DLGAP2: variants seen among roughly 807,000 people sequenced by gnomAD.
DLGAP2 encodes the protein DLG associated protein 2.
In DLGAP2, 26 loss-of-function variants were observed where a neutral mutation model predicts 100.3. The ratio of observed to expected loss-of-function variants is 0.26; its 90% CI spans 0.19 to 0.36. The LOEUF (loss-of-function observed/expected upper bound fraction) is 0.36, where lower values mean the gene tolerates loss of function less well. Among genes scored for constraint, DLGAP2 ranks in the 10% least tolerant of loss-of-function variants. DLGAP2 has a pLI of 1.00. For missense variants in DLGAP2, 1,858 were observed against 1,453.2 expected, an observed-to-expected ratio of 1.28 and a Z score of -4.53; for synonymous variants, 886 against 630.1, an observed-to-expected ratio of 1.41 and a Z score of -6.08.
intron 1 of DLGAP2, among the ~76,000 whole-genome samples, chr8:760,227 G>T (rs527327491): frequency 2.0e-4 from 30 of 152,216 alleles, no homozygotes; most frequent in African/African-American, 6.7e-4. Flanking sequence ...AGGCTTTTCA[G>T]TGTGACGCCT....
chr8:1,448,215 T>C (rs941083195), intron 3 of DLGAP2, among the ~76,000 whole-genome samples: 1 of 152,254 alleles, frequency 6.6e-6, no homozygotes, highest in African/African-American at 2.4e-5. Flanking sequence ...CTTTCTTTTG[T>C]GGGCATTTAG....
At chr8:914,034 A>G (rs568104514) in intron 2 of DLGAP2, among the ~76,000 whole-genome samples, 2 of 152,370 alleles carry the variant, frequency 1.3e-5, no homozygotes, top group African/African-American at 4.8e-5. Context: ...TTACACATAC[A>G]AGATTAAATA....
chr8:1,514,249 T>C (rs1800280219), intron 4 of DLGAP2, among the ~76,000 whole-genome samples: 1 of 152,234 alleles, frequency 6.6e-6, no homozygotes, highest in Non-Finnish European at 1.5e-5. Flanking sequence ...CTGCCTGAAT[T>C]TAAATGCAAC....
At chr8:1,598,475 C>G (rs901323632) in intron 6 of DLGAP2, among the ~76,000 whole-genome samples, 1 of 152,172 alleles carries the variant, frequency 6.6e-6, no homozygotes, top group Non-Finnish European at 1.5e-5. Context: ...TAGAATTTGG[C>G]TGTGAATCCA....
At chr8:1,498,492 A>C (rs1344574643) in intron 3 of DLGAP2, among the ~76,000 whole-genome samples, 1 of 152,188 alleles carries the variant, frequency 6.6e-6, no homozygotes, top group Non-Finnish European at 1.5e-5. Flanking sequence ...TAGGGTAAAG[A>C]AAACCCCTCT....
At chr8:1,471,667 C>G (rs1023602136) in intron 3 of DLGAP2, among the ~76,000 whole-genome samples, 2 of 144,580 alleles carry the variant, frequency 1.4e-5, no homozygotes, top group African/African-American at 2.7e-5. Flanking sequence ...ACACACCTCC[C>G]TTTATGAGCA....
At chr8:828,525 C>G (rs974090485) in intron 1 of DLGAP2, among the ~76,000 whole-genome samples, 2 of 152,196 alleles carry the variant, frequency 1.3e-5, no homozygotes, top group African/African-American at 4.8e-5. Flanking sequence ...TCATCCTGTT[C>G]TTTTTTCAGG....
intron 3 of DLGAP2, among the ~76,000 whole-genome samples, chr8:1,321,365 A>T (rs998138022): frequency 6.8e-6 from 1 of 146,502 alleles, no homozygotes; most frequent in African/African-American, 2.6e-5. Flanking sequence ...CATCCGTACC[A>T]TGTGCGTGCA....
intron 2 of DLGAP2, among the ~76,000 whole-genome samples, chr8:1,084,898 T>TG (rs1803924541): frequency 6.6e-6 from 1 of 152,190 alleles, no homozygotes; most frequent in Admixed American, 6.5e-5. Flanking sequence ...CACCCAGAAG[T>TG]GGGACTGCTG....
At chr8:1,167,800 T>C (rs2116668613) in intron 2 of DLGAP2, among the ~76,000 whole-genome samples, 1 of 152,112 alleles carries the variant, frequency 6.6e-6, no homozygotes, top group East Asian at 1.9e-4. Flanking sequence ...CAAAGTCAAG[T>C]ATAAAGTACC....
intron 2 of DLGAP2, chr8:1,137,833 C>G (rs1420539916): frequency 2.0e-5 from 3 of 152,180 alleles, no homozygotes; most frequent in African/African-American, 7.2e-5. Context: ...AACTCTTGCC[C>G]AGGCTGGAGT....
intron 2 of DLGAP2, among the ~76,000 whole-genome samples, chr8:1,159,306 CT>C (rs879675222): frequency 2.0e-5 from 3 of 152,180 alleles, no homozygotes; most frequent in Admixed American, 6.5e-5. Flanking sequence ...TTTAAGGAAA[CT>C]TGTAATTAAA....
intron 3 of DLGAP2, among the ~76,000 whole-genome samples, chr8:1,277,447 C>G (rs1284351356): frequency 2.6e-5 from 4 of 152,070 alleles, no homozygotes; most frequent in African/African-American, 9.7e-5. Flanking sequence ...AACATCTGAC[C>G]TGTGATAGAT....
At chr8:944,967 T>G (rs993599041) in intron 2 of DLGAP2, among the ~76,000 whole-genome samples, 7 of 152,186 alleles carry the variant, frequency 4.6e-5, no homozygotes, top group Non-Finnish European at 7.3e-5. Flanking sequence ...ATTTTCCTAG[T>G]GATCTGTGGA....
chr8:1,342,414 G>A (rs1310676140), intron 3 of DLGAP2, among the ~76,000 whole-genome samples: 1 of 152,182 alleles, frequency 6.6e-6, no homozygotes, highest in African/African-American at 2.4e-5. Context: ...GTAATACATT[G>A]TAGTGTACAT....
chr8:1,702,389 A>G lies in DLGAP2; in HGVS notation c.*983A>G, dbSNP rs1370133935. 1 of 152,564 alleles carries G rather than the reference A, an allele frequency of 6.6e-6. No individual in the cohort carries two copies. Among genetic ancestry groups the G allele is most frequent in the African/African-American group, 2.4e-5 (1 of 41,432 alleles). The allele number at this position is 152,564 out of a possible 1,614,324, so 9.5% of individuals were successfully genotyped here. A position where few individuals can be genotyped will look rare whatever the true frequency, so the allele number is the denominator to read the frequency against. ...AAAAAAAACACACACGAAAAACAAA[A>G]GTTTGCTTGTTTAAAATGACAGTTG... On this transcript the variant is annotated 3_prime_UTR_variant, in exon 15 of 15. Transcript: ENST00000637795.
At chr8:1,656,763 C>T (rs1798294309) in intron 8 of DLGAP2, among the ~76,000 whole-genome samples, 1 of 152,192 alleles carries the variant, frequency 6.6e-6, no homozygotes, top group South Asian at 2.1e-4. Flanking sequence ...TCTCTCCATC[C>T]TAAGTAGTGT....
chr8:1,186,811 C>T (rs1438522388), intron 2 of DLGAP2, among the ~76,000 whole-genome samples: 1 of 152,190 alleles, frequency 6.6e-6, no homozygotes, highest in African/African-American at 2.4e-5. Flanking sequence ...GCAGGAGTGC[C>T]TGGCTTGGCT....
Position 766,433 on chromosome 8 carries a change from A to G in DLGAP2, c.18+28608A>G, listed in dbSNP as rs150615717. On this transcript the variant is annotated intron_variant, in intron 1 of 14. Coordinates refer to ENST00000637795, the MANE Select transcript of DLGAP2 (RefSeq NM_001346810.2). Reference sequence around the variant, plus strand: ...TGCAGCGTTCTTTGAAATTCGTCACATAAATCTTTCTAATGTCCTCCGGAA... The same window carrying G: ...TGCAGCGTTCTTTGAAATTCGTCACGTAAATCTTTCTAATGTCCTCCGGAA... 1.1e-4 allele frequency among the ~76,000 whole-genome samples: 17 copies of G among 152,328 alleles called. 2 individuals are homozygous for G. The East Asian group carries it at 3.3e-3, about 29-fold the overall frequency.
Sources: allele counts gnomAD v4.1 joint callset (sites outside exome capture counted in the v4.1 genomes callset), GRCh38; gene constraint gnomAD v4.1.1; transcripts MANE v1.5; gene names NCBI Gene and HGNC (gene_info 2026-07-23, HGNC 2026-07-21).